Variants in ATG14 observed in about 807,000 individuals in gnomAD.
ATG14 encodes the protein autophagy related 14, also known as beclin 1-associated autophagy-related key regulator.
ATG14 carries 35 observed loss-of-function variants against 60.4 expected under a neutral mutation model. The observed-to-expected ratio is 0.58, with a 90% CI of 0.44 to 0.77. The LOEUF is 0.77. Among genes scored for constraint, ATG14 ranks in the 30% least tolerant of loss-of-function variants. The pLI, the probability that ATG14 is intolerant of heterozygous loss-of-function variation, is 0.00. For synonymous variants in ATG14, 234 were observed against 228.8 expected, an observed-to-expected ratio of 1.02 and a Z score of -0.21; for missense variants, 647 against 626.3, an observed-to-expected ratio of 1.03 and a Z score of -0.35.
In ATG14 at chr14:55,373,562, C is replaced by T. The variant is rs138970029; in HGVS notation, c.1173-3637G>A. ...GCAAACTCCGCCTCCTGGGTTCAAG[C>T]GATTCTCCTGCCTCAGCCTCCCAAG... On this transcript the variant is annotated intron_variant, in intron 9 of 9. Coordinates refer to ENST00000247178, the MANE Select transcript of ATG14 (RefSeq NM_014924.5). 4.0e-3 allele frequency among the ~76,000 whole-genome samples: 611 copies of T among 152,266 alleles called. 2 individuals are homozygous for T. The highest frequency in any genetic ancestry group is 0.014 in the African/African-American group (585 of 41,548).
chr14:55,377,646 A>T (rs916791411), intron 9 of ATG14, among the ~76,000 whole-genome samples, 173 bp downstream of exon 9: 1 of 152,224 alleles, frequency 6.6e-6, no homozygotes, highest in East Asian at 1.9e-4. Flanking sequence ...TACAAAAAAA[A>T]CCCATAAAAG....
intron 9 of ATG14, among the ~76,000 whole-genome samples, chr14:55,377,618 T>C (rs1316988387): frequency 6.6e-6 from 1 of 152,152 alleles, no homozygotes; most frequent in African/African-American, 2.4e-5. Context: ...TTGATATTAA[T>C]TTTTTCTAAG....
At chr14:55,370,294 A>G (rs1185521182) in intron 9 of ATG14, among the ~76,000 whole-genome samples, 5 of 152,234 alleles carry the variant, frequency 3.3e-5, no homozygotes, top group East Asian at 1.9e-4. Context: ...CAATGAGACA[A>G]TTCTAACAAA....
intron 9 of ATG14, among the ~76,000 whole-genome samples, chr14:55,371,712 G>C (rs991302222): frequency 7.2e-5 from 11 of 152,158 alleles, no homozygotes; most frequent in Non-Finnish European, 8.8e-5. Context: ...GCTGAGGCAG[G>C]AGAACGGTGT....
chr14:55,397,524 A>G, intron 1 of ATG14, 90 bp from the exon 2 acceptor site: 1 of 1,022,518 alleles, frequency 9.8e-7, no homozygotes, highest in East Asian at 2.5e-5. Context: ...ATCATTCTGC[A>G]GAGTCATGTG....
chr14:55,387,445 A>T lies in ATG14; in HGVS notation c.410-1349T>A, dbSNP rs73280917. The stretch of plus-strand genomic sequence containing the variant: ...TTCAGGAAGGCCCCCCTCCATAAAC[A>T]CTCCCCAGACCTTTTGCTCTTCGGA... On this transcript the variant is annotated intron_variant, in intron 4 of 9. Coordinates refer to ENST00000247178, the MANE Select transcript of ATG14 (RefSeq NM_014924.5). Among the ~76,000 whole-genome samples the T allele has an allele frequency of 9.4e-3, 1,428 of 151,864 alleles. 30 individuals carry two copies. Among genetic ancestry groups the T allele is most frequent in the African/African-American group, 0.033 (1,378 of 41,368 alleles).
At chr14:55,378,186 C>T in intron 7 of ATG14, 112 bp from the exon 8 acceptor site, 1 of 812,824 alleles carries the variant, frequency 1.2e-6, no homozygotes, top group East Asian at 2.7e-5. Flanking sequence ...CCTTTTACTC[C>T]TTAGTAAATT....
chr14:55,393,409 A>G (rs911502308), intron 3 of ATG14, among the ~76,000 whole-genome samples: 1 of 152,130 alleles, frequency 6.6e-6, no homozygotes. Flanking sequence ...AAAAAAAGAA[A>G]TATATGAATA....
In ATG14 at chr14:55,380,642, T is replaced by C; in HGVS notation, c.926A>G (p.Tyr309Cys). 1.2e-6 allele frequency: 2 copies of C among 1,613,570 alleles called. No homozygotes were observed. The highest frequency in any genetic ancestry group is 1.7e-6 in the Non-Finnish European group (2 of 1,179,784). ...PAYTISAALC[Y>C]ATQLVNILSH... Reference sequence around the variant, plus strand: ...CAGAATGTTGACCAGCTGAGTTGCATAGCACAGCGCAGCACTGATGGTGTA... The same window carrying C: ...CAGAATGTTGACCAGCTGAGTTGCACAGCACAGCGCAGCACTGATGGTGTA... Residue 309 changes from tyrosine to cysteine, a missense_variant, in exon 7 of 10, where the codon TAT becomes TGT. Physicochemically the swap from Tyr to Cys is radical, Grantham distance 194 (BLOSUM62 -2). Transcript: ENST00000247178.
intron 9 of ATG14, among the ~76,000 whole-genome samples, chr14:55,370,831 G>A (rs1406871964): frequency 6.6e-6 from 1 of 151,944 alleles, no homozygotes; most frequent in Non-Finnish European, 1.5e-5. Context: ...AGTAGAGACG[G>A]GGTTTCACCA....
At chr14:55,403,176 TAATGCTTAC>T (rs1406555671) in intron 1 of ATG14, among the ~76,000 whole-genome samples, 1 of 151,688 alleles carries the variant, frequency 6.6e-6, no homozygotes, top group Non-Finnish European at 1.5e-5. Context: ...AAAATGGGAA[TAATGCTTAC>T]ATACTCCTTG....
At position 55,408,755 on chromosome 14, in the gene ATG14, A is replaced by G. The variant is rs1459042484; in HGVS notation, c.221+2847T>C. Reference sequence around the variant, plus strand: ...CAGTGCACTCCAGCCTCGGTGACAGAGCAAGATCCTGTCTCAAAAAAAATA... The same window carrying G: ...CAGTGCACTCCAGCCTCGGTGACAGGGCAAGATCCTGTCTCAAAAAAAATA... On this transcript the variant is annotated intron_variant, in intron 1 of 9. Coordinates refer to ENST00000247178, the MANE Select transcript of ATG14 (RefSeq NM_014924.5). Among the ~76,000 whole-genome samples the G allele has an allele frequency of 2.0e-5, 3 of 152,310 alleles. No homozygotes were observed. The East Asian group carries it at 5.8e-4, about 29-fold the overall frequency.
At chr14:55,396,061 T>A in intron 2 of ATG14, 79 bp from the exon 3 acceptor site, 1 of 1,121,356 alleles carries the variant, frequency 8.9e-7, no homozygotes. Context: ...AATCAAACAC[T>A]TAAAATTAAG....
At chr14:55,376,230 CCAAGGCAAG>C (rs1437173106) in intron 9 of ATG14, among the ~76,000 whole-genome samples, 7 of 152,224 alleles carry the variant, frequency 4.6e-5, no homozygotes, top group Admixed American at 1.3e-4. Flanking sequence ...GGAATAATAT[CCAAGGCAAG>C]TAAAGTGGTT....
chr14:55,389,010 T>A (rs775815206), intron 4 of ATG14, among the ~76,000 whole-genome samples: 12 of 152,220 alleles, frequency 7.9e-5, no homozygotes, highest in Non-Finnish European at 1.5e-4. Context: ...ATCATTTTCC[T>A]AAGTCCAGGA....
chr14:55,377,704 T>A, intron 9 of ATG14, 115 bp downstream of exon 9: 1 of 645,438 alleles, frequency 1.5e-6, no homozygotes, highest in Non-Finnish European at 2.6e-6. Context: ...CTCCACTATT[T>A]TTGTCCGGTT....
In ATG14 at chr14:55,381,991, A is replaced by C; in HGVS notation, c.848T>G (p.Val283Gly). The C allele has an allele frequency of 6.2e-7, 1 of 1,614,080 alleles. No homozygotes were observed. Among genetic ancestry groups the C allele is most frequent in the Non-Finnish European group, 8.5e-7 (1 of 1,179,986 alleles). ...NGDYSAYYSW[V>G]EEKKTTQGPD... ...CCCCTGGGTTGTTTTCTTCTCCTCC[A>C]CCCAGCTGTAGTAGGCAGAGTAGTC... Residue 283 changes from valine to glycine, a missense_variant, in exon 6 of 10, where the codon GTG (valine) becomes GGG (glycine). Physicochemically the swap from Val to Gly is moderately radical, Grantham distance 109 (BLOSUM62 -3). Transcript: ENST00000247178.
intron 3 of ATG14, chr14:55,395,113 G>A (rs942658509): frequency 2.8e-5 from 12 of 427,034 alleles, no homozygotes; most frequent in African/African-American, 1.6e-4. Flanking sequence ...ATCCTTTCCT[G>A]CTGCTTTCTC....
At position 55,369,205 on chromosome 14, in the gene ATG14, CTT is replaced by C. The variant is rs1221975029; in HGVS notation, c.*412_*413del. On this transcript the variant is annotated 3_prime_UTR_variant, in exon 10 of 10. Coordinates refer to ENST00000247178, the MANE Select transcript of ATG14 (RefSeq NM_014924.5). ...ATGTCCTAATAATCAAGAATCACCT[CTT>C]GTGATTCAACCAACCTCTAAAACTT... 1 of 156,352 alleles carries C rather than the reference CTT, an allele frequency of 6.4e-6. No homozygotes were observed. Among genetic ancestry groups the C allele is most frequent in the Non-Finnish European group, 1.4e-5 (1 of 70,714 alleles). The allele number at this position is 156,352 out of a possible 1,614,324, so 9.7% of individuals were successfully genotyped here. A position where few individuals can be genotyped will look rare whatever the true frequency, so the allele number is the denominator to read the frequency against.
Sources: gnomAD v4.1 joint callset for allele counts (sites outside exome capture counted in the v4.1 genomes callset) on GRCh38, gnomAD v4.1.1 for gene constraint, MANE v1.5 for transcripts, NCBI Gene and HGNC (gene_info 2026-07-23, HGNC 2026-07-21) for gene names.